Variants in FAM169A observed in about 807,000 individuals in gnomAD.
FAM169A encodes the protein family with sequence similarity 169 member A.
A neutral mutation model predicts 75.7 loss-of-function variants in FAM169A; 24 were observed. That is an observed-to-expected ratio of 0.32 (90% CI 0.23 to 0.45). The LOEUF (loss-of-function observed/expected upper bound fraction) is 0.45, where lower values mean the gene tolerates loss of function less well. Among genes scored for constraint, FAM169A ranks in the 20% least tolerant of loss-of-function variants. The pLI is 1.00. For missense variants in FAM169A, 673 were observed against 784.0 expected (o/e 0.86, Z 1.69); for synonymous variants, 271 against 271.0 (o/e 1.00, Z 0.00).
Position 74,796,100 on chromosome 5 carries a change from T to A in FAM169A, c.1190A>T (p.Glu397Val). ...TGGCCGTGCATCTCTATCACTGCTT[T>A]CATCCTCAAATTCAATCCCTCTCTG... ...PEQRGIEFED[E>V]SSDRDARPAL... The change falls in exon 11 of 13, where the codon GAA becomes GTA. Residue 397 changes from glutamate to valine, a missense_variant. By Grantham distance (121) the Glu-to-Val change is moderately radical (BLOSUM62 -2). Transcript: ENST00000687041. The A allele has an allele frequency of 1.9e-6, 3 of 1,614,214 alleles. No individual in the cohort carries two copies. The highest frequency in any genetic ancestry group is 2.5e-6 in the Non-Finnish European group (3 of 1,180,034).
intron 6 of FAM169A, among the ~76,000 whole-genome samples, chr5:74,811,853 C>T (rs1176196278): frequency 1.3e-5 from 2 of 152,152 alleles, no homozygotes; most frequent in Non-Finnish European, 2.9e-5. Flanking sequence ...GTAAAGAAAG[C>T]AAACTGTAGA....
At chr5:74,802,623 T>C (rs1746647690) in intron 8 of FAM169A, among the ~76,000 whole-genome samples, 4 of 152,144 alleles carry the variant, frequency 2.6e-5, no homozygotes, top group Admixed American at 1.3e-4. Context: ...TATTATGCTA[T>C]AGTATATTAT....
At chr5:74,789,332 G>C (rs371544216) in intron 11 of FAM169A, among the ~76,000 whole-genome samples, 1 of 152,148 alleles carries the variant, frequency 6.6e-6, no homozygotes, top group Non-Finnish European at 1.5e-5. Context: ...AAGTTTCTAG[G>C]GGTCCAGTGG....
At chr5:74,861,126 G>A (rs1248374044) in intron 1 of FAM169A, among the ~76,000 whole-genome samples, 1 of 152,096 alleles carries the variant, frequency 6.6e-6, no homozygotes, top group African/African-American at 2.4e-5. Context: ...ACAGAGTGAG[G>A]CTCCTTTTCA....
At chr5:74,786,648 A>G (rs1461243747) in intron 11 of FAM169A, among the ~76,000 whole-genome samples, 5 of 152,232 alleles carry the variant, frequency 3.3e-5, no homozygotes, top group African/African-American at 9.6e-5. Context: ...ATGAAAGACA[A>G]TGATGAACTC....
intron 6 of FAM169A, among the ~76,000 whole-genome samples, chr5:74,813,213 A>G (rs1196294596): frequency 4.6e-5 from 7 of 152,200 alleles, no homozygotes; most frequent in African/African-American, 1.4e-4. Context: ...TTTTGGAGTG[A>G]TAAGAATGCT....
chr5:74,825,833 C>T (rs773932747), intron 5 of FAM169A, among the ~76,000 whole-genome samples: 4 of 152,092 alleles, frequency 2.6e-5, no homozygotes, highest in Non-Finnish European at 4.4e-5. Context: ...CTTTCAAAAT[C>T]TTTTCTCTAT....
rs1426507839 is a variant in FAM169A at position 74,799,871 on chromosome 5, C to A, written c.1103+1009G>T. 8.9e-6 allele frequency: 9 copies of A among 1,009,922 alleles called. No homozygotes were observed. The Admixed American group carries it at 1.2e-4, about 13-fold the overall frequency. 62.6% of individuals were successfully genotyped at this position (1,009,922 alleles called of 1,614,324 possible). A position where few individuals can be genotyped will look rare whatever the true frequency, so the allele number is the denominator to read the frequency against. ...AGTTAGACATTCCAAAACAGAGCAT[C>A]CAACGCAACATGTCTGCCATGGAAT... On this transcript the variant is annotated intron_variant, in intron 10 of 12. Transcript: ENST00000687041.
At chr5:74,793,966 G>GC (rs1350634543) in intron 11 of FAM169A, among the ~76,000 whole-genome samples, 2 of 142,454 alleles carry the variant, frequency 1.4e-5, no homozygotes, top group Non-Finnish European at 3.0e-5. Flanking sequence ...TTGTGCCACT[G>GC]CACTCCAGGC....
intron 4 of FAM169A, among the ~76,000 whole-genome samples, chr5:74,838,096 A>T (rs1273666096): frequency 6.7e-6 from 1 of 149,102 alleles, no homozygotes; most frequent in Non-Finnish European, 1.5e-5. Context: ...CCTAGGCGAC[A>T]AGAGCGAAAC....
At chr5:74,789,095 A>G (rs1366795023) in intron 11 of FAM169A, among the ~76,000 whole-genome samples, 1 of 152,238 alleles carries the variant, frequency 6.6e-6, no homozygotes, top group African/African-American at 2.4e-5. Context: ...ATCCTACCTC[A>G]GGGGTATATC....
chr5:74,787,502 C>T (rs1297755379), intron 11 of FAM169A, among the ~76,000 whole-genome samples: 1 of 152,156 alleles, frequency 6.6e-6, no homozygotes, highest in Non-Finnish European at 1.5e-5. Context: ...TTGACCGATG[C>T]TTTGCGAAAG....
chr5:74,861,443 T>A (rs1750031017), intron 1 of FAM169A, among the ~76,000 whole-genome samples: 4 of 152,100 alleles, frequency 2.6e-5, no homozygotes, highest in Admixed American at 2.6e-4. Context: ...AAATAACGTA[T>A]ATCCAAAGTT....
chr5:74,795,958 TAAC>T (rs1746250506), intron 11 of FAM169A, 69 bp downstream of exon 11: 1 of 1,482,844 alleles, frequency 6.7e-7, no homozygotes, highest in Non-Finnish European at 9.2e-7. Flanking sequence ...TATACTTTTC[TAAC>T]AACATGTGAT....
chr5:74,855,534 A>C (rs928795909), intron 1 of FAM169A, among the ~76,000 whole-genome samples: 1 of 152,120 alleles, frequency 6.6e-6, no homozygotes, highest in Non-Finnish European at 1.5e-5. Flanking sequence ...CTGATGATCA[A>C]TGATGTTGAG....
chr5:74,795,814 T>C (rs1342136671), intron 11 of FAM169A, among the ~76,000 whole-genome samples: 3 of 152,214 alleles, frequency 2.0e-5, no homozygotes, highest in Non-Finnish European at 4.4e-5. Context: ...AATTCAAACT[T>C]TTATAAGCTC....
chr5:74,829,722 C>A (rs899207920), intron 5 of FAM169A, among the ~76,000 whole-genome samples: 9 of 152,102 alleles, frequency 5.9e-5, no homozygotes, highest in Non-Finnish European at 1.3e-4. Flanking sequence ...GCCTATAATC[C>A]CAGCACTTTG....
rs915021035 is a variant in FAM169A, at chr5:74,779,340, T to C, written c.*2120A>G. ...ACTTCGGCAGCACATATACTAAAAT[T>C]AGAACAATACAGGGAAAATTAGCAT... On this transcript the variant is annotated 3_prime_UTR_variant, in exon 13 of 13. Coordinates refer to ENST00000687041, the MANE Select transcript of FAM169A (RefSeq NM_001376049.1). The C allele has an allele frequency of 6.6e-6, 1 of 152,094 alleles. No individual in the cohort carries two copies. Among genetic ancestry groups the C allele is most frequent in the African/African-American group, 2.4e-5 (1 of 41,430 alleles). 9.4% of individuals were successfully genotyped at this position (152,094 alleles called of 1,614,324 possible).
At chr5:74,832,825 G>A (rs1322741298) in intron 5 of FAM169A, among the ~76,000 whole-genome samples, 1 of 151,832 alleles carries the variant, frequency 6.6e-6, no homozygotes. Context: ...GCTAGTATAA[G>A]CCCACTTAAC....
Sources: allele counts gnomAD v4.1 joint callset (sites outside exome capture counted in the v4.1 genomes callset), GRCh38; gene constraint gnomAD v4.1.1; transcripts MANE v1.5; gene names NCBI Gene and HGNC (gene_info 2026-07-23, HGNC 2026-07-21).